Variants in PPARD observed in about 807,000 individuals in gnomAD.
PPARD encodes the protein peroxisome proliferator activated receptor delta.
A neutral mutation model predicts 39.5 loss-of-function variants in PPARD; 6 were observed. That is an observed-to-expected ratio of 0.15 (90% CI 0.08 to 0.30). The LOEUF (loss-of-function observed/expected upper bound fraction) is 0.30, where lower values mean the gene tolerates loss of function less well. Among genes scored for constraint, PPARD ranks in the 10% least tolerant of loss-of-function variants. The pLI, the probability that PPARD is intolerant of heterozygous loss-of-function variation, is 1.00. For missense variants in PPARD, 397 were observed against 596.8 expected (o/e 0.67, Z 3.49); for synonymous variants, 210 against 231.3 (o/e 0.91, Z 0.83).
chr6:35,400,238 C>T (rs1334933332), intron 2 of PPARD, among the ~76,000 whole-genome samples: 3 of 152,174 alleles, frequency 2.0e-5, no homozygotes, highest in Non-Finnish European at 1.5e-5. Context: ...GGCCTGCTGG[C>T]CACCCACTCA....
At chr6:35,414,360 TACC>T (rs200858190) in intron 3 of PPARD, among the ~76,000 whole-genome samples, 102,496 of 151,720 alleles carry the variant, frequency 0.68, 36,462 homozygotes, top group South Asian at 0.8. Flanking sequence ...AGATCCTGCA[TACC>T]CTTCTGTGTT....
intron 2 of PPARD, among the ~76,000 whole-genome samples, chr6:35,351,281 T>A (rs1761233643): frequency 1.3e-5 from 2 of 152,090 alleles, no homozygotes. Context: ...CGCGTCGGCC[T>A]CCCAAAGTGC....
At chr6:35,350,304 G>C (rs143211543) in intron 2 of PPARD, among the ~76,000 whole-genome samples, 1 of 152,188 alleles carries the variant, frequency 6.6e-6, no homozygotes. Context: ...CTGTGCTTGC[G>C]GGGTATTGCT....
chr6:35,348,052 C>T (rs1191329778), intron 2 of PPARD, among the ~76,000 whole-genome samples: 1 of 151,824 alleles, frequency 6.6e-6, no homozygotes, highest in East Asian at 1.9e-4. Flanking sequence ...AGATTACAGG[C>T]ATGCGCCACC....
chr6:35,380,200 T>A (rs1763053540), intron 2 of PPARD, among the ~76,000 whole-genome samples: 1 of 152,192 alleles, frequency 6.6e-6, no homozygotes, highest in African/African-American at 2.4e-5. Flanking sequence ...TAGTCTATAG[T>A]CTCAGACAGT....
At chr6:35,423,705 G>A (rs1352754771) in intron 5 of PPARD, among the ~76,000 whole-genome samples, 2 of 151,766 alleles carry the variant, frequency 1.3e-5, no homozygotes, top group Non-Finnish European at 2.9e-5. Flanking sequence ...GCTGGGCACT[G>A]TGAACAAAAC....
At chr6:35,370,818 A>G (rs912744860) in intron 2 of PPARD, among the ~76,000 whole-genome samples, 5 of 152,190 alleles carry the variant, frequency 3.3e-5, no homozygotes, top group African/African-American at 9.6e-5. Context: ...TTGGAAAAAA[A>G]AAGAGCGGCT....
chr6:35,405,775 G>A (rs1353995201), intron 2 of PPARD, among the ~76,000 whole-genome samples: 2 of 151,524 alleles, frequency 1.3e-5, no homozygotes, highest in Admixed American at 6.6e-5. Context: ...GATTACAGGC[G>A]TGCGCCACCA....
At chr6:35,379,682 G>A (rs1763030298) in intron 2 of PPARD, among the ~76,000 whole-genome samples, 1 of 152,218 alleles carries the variant, frequency 6.6e-6, no homozygotes, top group Non-Finnish European at 1.5e-5. Context: ...TGACAACTTG[G>A]TGCTTTTGCC....
chr6:35,370,887 AG>A (rs1671666738), intron 2 of PPARD, among the ~76,000 whole-genome samples: 2 of 152,248 alleles, frequency 1.3e-5, no homozygotes, highest in Admixed American at 1.3e-4. Flanking sequence ...ATGGTGGGGC[AG>A]TTAAGGCCCC....
At chr6:35,382,200 C>T (rs947477521) in intron 2 of PPARD, among the ~76,000 whole-genome samples, 4 of 152,160 alleles carry the variant, frequency 2.6e-5, no homozygotes, top group African/African-American at 9.7e-5. Context: ...GTTTGAAGAG[C>T]CAAGTCCCAG....
chr6:35,384,848 C>T (rs1223272448), intron 2 of PPARD, among the ~76,000 whole-genome samples: 1 of 93,954 alleles, frequency 1.1e-5, no homozygotes, highest in Non-Finnish European at 2.1e-5. Context: ...GGGGTCAGCC[C>T]CCCGCCTGGC....
At chr6:35,345,665 G>T (rs9658061) in intron 1 of PPARD, among the ~76,000 whole-genome samples, 40 of 151,978 alleles carry the variant, frequency 2.6e-4, no homozygotes, top group African/African-American at 7.5e-4. Context: ...CTTTCAACCC[G>T]ACCTGTGGTC....
rs1178923447 is a variant in PPARD, at chr6:35,424,833, G to T, written c.1078+54G>T. 1.3e-6 allele frequency: 2 copies of T among 1,584,458 alleles called. No individual in the cohort carries two copies. Among genetic ancestry groups the T allele is most frequent in the Middle Eastern group, 2.0e-4 (1 of 4,962 alleles). The stretch of plus-strand genomic sequence containing the variant: ...CCTGGCACACCCAGTCGTCCTGGGG[G>T]TTGGCCCTCACTGCAGGGCACTGTG... On this transcript the variant is annotated intron_variant, in intron 7 of 7. Transcript: ENST00000360694. The surrounding 1 kb of genome is among the most constrained non-coding windows in gnomAD (Gnocchi z 7.1).
rs549112932 is a variant in PPARD, at chr6:35,360,228, G to A, written c.-102+13078G>A. Reference sequence around the variant, plus strand: ...GCCAGCCAAGCTGTGGGCCCGGCCTGTAGGGTGGAAGGAACTCTTAAGAGA... The same window carrying A: ...GCCAGCCAAGCTGTGGGCCCGGCCTATAGGGTGGAAGGAACTCTTAAGAGA... On this transcript the variant is annotated intron_variant, in intron 2 of 7. Coordinates refer to ENST00000360694, the MANE Select transcript of PPARD (RefSeq NM_006238.5). Among the ~76,000 whole-genome samples, 12 of 152,138 alleles carry A rather than the reference G, an allele frequency of 7.9e-5. No individual in the cohort carries two copies. In the East Asian group the frequency reaches 1.4e-3, roughly 17 times the overall value.
At chr6:35,386,001 A>G (rs565587116) in intron 2 of PPARD, among the ~76,000 whole-genome samples, 79 of 152,170 alleles carry the variant, frequency 5.2e-4, no homozygotes, top group Non-Finnish European at 1.0e-3. Flanking sequence ...GGGAAGGGCG[A>G]TCCTTATGAG....
chr6:35,372,214 G>A (rs1164133121), intron 2 of PPARD, among the ~76,000 whole-genome samples: 2 of 152,202 alleles, frequency 1.3e-5, no homozygotes, highest in African/African-American at 4.8e-5. Context: ...GTCTCGCTCT[G>A]TTGCCTAGGC....
intron 2 of PPARD, among the ~76,000 whole-genome samples, chr6:35,395,550 A>G (rs1375895200): frequency 6.6e-6 from 1 of 152,196 alleles, no homozygotes; most frequent in Non-Finnish European, 1.5e-5. Context: ...GGGTTTGGGA[A>G]CCTGTCAAAT....
rs139071204 is a variant in PPARD at position 35,354,669 on chromosome 6, C to T, written c.-102+7519C>T. ...TTACATGAGATATTCAAAATTGTAA[C>T]ATAAGCTCTGTGTTAGATGATGTTG... On this transcript the variant is annotated intron_variant, in intron 2 of 7. Transcript: ENST00000360694. Among the ~76,000 whole-genome samples the T allele has an allele frequency of 5.3e-5, 8 of 152,246 alleles. No individual in the cohort carries two copies. In the East Asian group the frequency reaches 1.4e-3, roughly 26 times the overall value.
Sources: gnomAD v4.1 joint callset for allele counts (sites outside exome capture counted in the v4.1 genomes callset) on GRCh38, gnomAD v4.1.1 for gene constraint, Gnocchi (gnomAD v3.1) non-coding constraint, MANE v1.5 for transcripts, NCBI Gene and HGNC (gene_info 2026-07-23, HGNC 2026-07-21) for gene names.